Variants in BBS7 observed in about 807,000 individuals in gnomAD.
BBS7 encodes Bardet-Biedl syndrome 7, also known as BBSome complex member BBS7.
BBS7 carries 50 observed loss-of-function variants against 90.3 expected under a neutral mutation model. That is an observed-to-expected ratio of 0.55 (90% CI 0.44 to 0.70). The LOEUF is 0.70. BBS7 is among the 30% of genes least tolerant of loss of function. The pLI, the probability that BBS7 is intolerant of heterozygous loss-of-function variation, is 0.00. For missense variants in BBS7, 729 were observed against 838.9 expected, an observed-to-expected ratio of 0.87 and a Z score of 1.62; for synonymous variants, 235 against 287.4, an observed-to-expected ratio of 0.82 and a Z score of 1.85.
rs1408577968 is a variant in BBS7 at position 121,845,570 on chromosome 4, A to G, written c.1164T>C (p.Asn388=). The G allele has an allele frequency of 1.2e-6, 2 of 1,613,094 alleles. No homozygotes were observed. Among genetic ancestry groups the G allele is most frequent in the Admixed American group, 1.7e-5 (1 of 60,002 alleles). ...SFGINDKFTL[N]KDDASYSLIL... ...TAAGGCTGTAACTGGCATCATCTTTATTTAGTGTAAATTTATCATTTATAC... is the reference window on the plus strand; with the variant it reads ...TAAGGCTGTAACTGGCATCATCTTTGTTTAGTGTAAATTTATCATTTATAC... Residue 388 remains asparagine, a synonymous_variant, in exon 11 of 19, where the codon AAT becomes AAC. Coordinates refer to ENST00000264499, the MANE Select transcript of BBS7 (RefSeq NM_176824.3).
At chr4:121,851,802 G>A (rs937878572) in intron 8 of BBS7, among the ~76,000 whole-genome samples, 17 of 152,224 alleles carry the variant, frequency 1.1e-4, no homozygotes, top group Admixed American at 4.6e-4. Context: ...AATCCAAGAT[G>A]AGGCAGAGTA....
At chr4:121,850,314 A>AC (rs1446810141) in intron 8 of BBS7, among the ~76,000 whole-genome samples, 1 of 151,704 alleles carries the variant, frequency 6.6e-6, no homozygotes, top group Non-Finnish European at 1.5e-5. Flanking sequence ...ACAGGTGTAC[A>AC]CCACCATGCC....
intron 13 of BBS7, among the ~76,000 whole-genome samples, chr4:121,839,015 T>C (rs573511660): frequency 9.9e-5 from 15 of 152,162 alleles, no homozygotes; most frequent in African/African-American, 3.6e-4. Flanking sequence ...TTTTCTTAGG[T>C]GTGATAATAG....
intron 4 of BBS7, among the ~76,000 whole-genome samples, chr4:121,859,965 T>C (rs1247804513): frequency 6.6e-6 from 1 of 152,104 alleles, no homozygotes; most frequent in Non-Finnish European, 1.5e-5. Flanking sequence ...CACTTCTAGG[T>C]TGTTATTACC....
intron 15 of BBS7, among the ~76,000 whole-genome samples, chr4:121,832,474 G>T (rs985607130): frequency 6.6e-6 from 1 of 152,192 alleles, no homozygotes; most frequent in Admixed American, 6.5e-5. Flanking sequence ...TGCCCAAGAA[G>T]TAGGCCATTT....
At chr4:121,847,130 GAC>G (rs148067742) in intron 10 of BBS7, among the ~76,000 whole-genome samples, 7 of 151,872 alleles carry the variant, frequency 4.6e-5, no homozygotes, top group African/African-American at 1.7e-4. Context: ...AAGTGTCTAT[GAC>G]ACACACACAC....
rs748290512 is a variant in BBS7, at chr4:121,863,189, T to C, written c.165+28A>G. On this transcript the variant is annotated intron_variant, in intron 3 of 18. Coordinates refer to ENST00000264499, the MANE Select transcript of BBS7 (RefSeq NM_176824.3). ...TAGTGCATTCTCTTTTAGAAAACCATTTTTCCCCTTCACAAAGCTATACTT... is the reference window on the plus strand; with the variant it reads ...TAGTGCATTCTCTTTTAGAAAACCACTTTTCCCCTTCACAAAGCTATACTT... 3.7e-6 allele frequency: 6 copies of C among 1,605,184 alleles called. No homozygotes were observed. The African/African-American group carries it at 5.4e-5, about 14-fold the overall frequency.
At chr4:121,862,606 G>A (rs575446458) in intron 3 of BBS7, among the ~76,000 whole-genome samples, 1 of 152,304 alleles carries the variant, frequency 6.6e-6, no homozygotes, top group East Asian at 1.9e-4. Flanking sequence ...TTGCTTCCAT[G>A]ATTACATTAT....
rs141428486 is a variant in BBS7 at position 121,842,471 on chromosome 4, C to A, written c.1305+1456G>T. 1.3e-3 allele frequency among the ~76,000 whole-genome samples: 198 copies of A among 150,472 alleles called. 2 individuals carry two copies. Among genetic ancestry groups the A allele is most frequent in the African/African-American group, 4.7e-3 (192 of 40,984 alleles). ...GCAACATAGGAAGACCCTGTCTCTA[C>A]AAAAAATTTAAAAATCAGCCAGGCA... On this transcript the variant is annotated intron_variant, in intron 12 of 18. Transcript: ENST00000264499.
chr4:121,836,915 T>G (rs995827174), intron 13 of BBS7, among the ~76,000 whole-genome samples: 3 of 152,090 alleles, frequency 2.0e-5, no homozygotes, highest in Non-Finnish European at 4.4e-5. Flanking sequence ...GAGGTAGAAC[T>G]TTTTTGTTTG....
chr4:121,846,562 G>A (rs1019144330), intron 10 of BBS7, among the ~76,000 whole-genome samples: 1 of 151,986 alleles, frequency 6.6e-6, no homozygotes, highest in African/African-American at 2.4e-5. Flanking sequence ...GGTAGACTTG[G>A]TTATAAAAAA....
Position 121,827,829 on chromosome 4 carries a change from G to T in BBS7, c.2014+317C>A, listed in dbSNP as rs1724979686. 4.0e-6 allele frequency: 4 copies of T among 1,005,606 alleles called. No homozygotes were observed. In the South Asian group the frequency reaches 1.6e-4, roughly 40 times the overall value. The allele number at this position is 1,005,606 out of a possible 1,614,324, so 62.3% of individuals were successfully genotyped here. A position where few individuals can be genotyped will look rare whatever the true frequency, so the allele number is the denominator to read the frequency against. On this transcript the variant is annotated intron_variant, in intron 18 of 18. Transcript: ENST00000264499. The stretch of plus-strand genomic sequence containing the variant: ...ATGACAATTATTTGTGTGAAATACA[G>T]TCTAAGCTCTAAAGGTTCATAGATT...
At chr4:121,867,936 T>C (rs771436998) in intron 2 of BBS7, 45 bp downstream of exon 2, 12 of 1,480,476 alleles carry the variant, frequency 8.1e-6, no homozygotes, top group Non-Finnish European at 1.1e-5. Flanking sequence ...GCCTCTCCTC[T>C]GTCACTGCTA....
chr4:121,867,132 G>C (rs1727326092), intron 2 of BBS7, among the ~76,000 whole-genome samples: 1 of 151,864 alleles, frequency 6.6e-6, no homozygotes, highest in Non-Finnish European at 1.5e-5. Context: ...TTTTTTTATA[G>C]AGGTCTTTCA....
At chr4:121,861,479 A>C (rs993189392) in intron 4 of BBS7, 25 bp downstream of exon 4, 5 of 1,603,384 alleles carry the variant, frequency 3.1e-6, no homozygotes, top group Non-Finnish European at 3.4e-6. Flanking sequence ...GTATGTAAAA[A>C]TACAAAAGAG....
In BBS7 at chr4:121,833,263, G is replaced by A. The variant is rs774822087; in HGVS notation, c.1644C>T (p.Thr548=). The A allele has an allele frequency of 2.8e-5, 45 of 1,613,814 alleles. No individual in the cohort carries two copies. Among genetic ancestry groups the A allele is most frequent in the Non-Finnish European group, 5.9e-6 (7 of 1,179,898 alleles). ...GECVTFYFQN[T]FLDTQLESTY... ...TACTTTCAAGTTGTGTATCTAGAAA[G>A]GTGTTCTGAAAGTAAAATGTCACAC... is the stretch of plus-strand genomic sequence containing the variant. Residue 548 remains threonine (T), a synonymous_variant, in exon 15 of 19, where the codon ACC becomes ACT. Transcript: ENST00000264499.
chr4:121,832,112 G>A (rs1578527252), intron 15 of BBS7, among the ~76,000 whole-genome samples: 2 of 151,696 alleles, frequency 1.3e-5, no homozygotes, highest in Middle Eastern at 3.4e-3. Context: ...GGAGGCCAAC[G>A]CAGGAGGATT....
In BBS7 at chr4:121,861,552, T is replaced by C; in HGVS notation, c.293A>G (p.Lys98Arg). ...GTTTGTTTCAAAGGAGAGGAACTGT[T>C]TTCCTCTTTTTGTGAAGCCTCTAAT... The part of the protein sequence containing the change: ...SEIRGFTKRG[K>R]QFLSFETNLT... The change falls in exon 4 of 19, where the codon AAA becomes AGA. Residue 98 changes from lysine (K) to arginine (R), a missense_variant. Coordinates refer to ENST00000264499, the MANE Select transcript of BBS7 (RefSeq NM_176824.3). 6.2e-7 allele frequency: 1 copy of C among 1,613,840 alleles called. No homozygotes were observed. The highest frequency in any genetic ancestry group is 8.5e-7 in the Non-Finnish European group (1 of 1,179,760).
In BBS7 at chr4:121,870,190, G is replaced by T; in HGVS notation, c.36+88C>A. The T allele has an allele frequency of 3.2e-6, 5 of 1,567,962 alleles. No individual in the cohort carries two copies. The South Asian group carries it at 5.6e-5, about 17-fold the overall frequency. On this transcript the variant is annotated intron_variant, in intron 1 of 18. Coordinates refer to ENST00000264499, the MANE Select transcript of BBS7 (RefSeq NM_176824.3). ...CTTCGCCTCCGCACCAGCTCCTGGCGACCGAGACTTTCGTCAGTGGAAGGA... is the reference window on the plus strand; with the variant it reads ...CTTCGCCTCCGCACCAGCTCCTGGCTACCGAGACTTTCGTCAGTGGAAGGA...
Sources: gnomAD v4.1 joint callset for allele counts (sites outside exome capture counted in the v4.1 genomes callset) on GRCh38, gnomAD v4.1.1 for gene constraint, MANE v1.5 for transcripts, NCBI Gene and HGNC (gene_info 2026-07-23, HGNC 2026-07-21) for gene names.